The following MKX variants were observed in gnomAD, a reference collection of about 807,000 sequenced individuals.
MKX encodes the protein homeobox protein Mohawk.
Under a neutral mutation model 36.0 loss-of-function variants are expected in MKX, and 13 were observed. The ratio of observed to expected loss-of-function variants is 0.36; its 90% CI spans 0.24 to 0.57. The LOEUF (loss-of-function observed/expected upper bound fraction) is 0.57, where lower values mean the gene tolerates loss of function less well. Among genes scored for constraint, MKX ranks in the 20% least tolerant of loss-of-function variants. The pLI is 0.79. For missense variants in MKX, 458 were observed against 456.4 expected (o/e 1.00, Z -0.03); for synonymous variants, 176 against 178.3 (o/e 0.99, Z 0.10).
intron 5 of MKX, among the ~76,000 whole-genome samples, chr10:27,720,618 T>C (rs1834355779): frequency 6.6e-6 from 1 of 152,166 alleles, no homozygotes; most frequent in Non-Finnish European, 1.5e-5. Flanking sequence ...GATATCTTAT[T>C]AAATAATCTA....
intron 5 of MKX, among the ~76,000 whole-genome samples, chr10:27,687,272 G>A (rs1836374447): frequency 6.6e-6 from 1 of 152,180 alleles, no homozygotes; most frequent in Admixed American, 6.5e-5. Flanking sequence ...CCAAAATGCT[G>A]GGATTACAGG....
chr10:27,697,650 T>C (rs904918627), intron 5 of MKX, among the ~76,000 whole-genome samples: 6 of 152,248 alleles, frequency 3.9e-5, no homozygotes, highest in Non-Finnish European at 7.3e-5. Flanking sequence ...TTTGTTTACT[T>C]ATTCACAGGT....
chr10:27,694,987 C>T (rs1836528305), intron 5 of MKX, among the ~76,000 whole-genome samples: 1 of 151,536 alleles, frequency 6.6e-6, no homozygotes, highest in Non-Finnish European at 1.5e-5. Flanking sequence ...TTTTCCACCA[C>T]TCAGAAGGTG....
At chr10:27,693,709 G>T (rs1836495045) in intron 5 of MKX, among the ~76,000 whole-genome samples, 1 of 152,168 alleles carries the variant, frequency 6.6e-6, no homozygotes, top group Admixed American at 6.5e-5. Flanking sequence ...GTCACTAAAA[G>T]TTACTGATTT....
chr10:27,684,823 T>C (rs1170423766), intron 5 of MKX, among the ~76,000 whole-genome samples: 1 of 152,254 alleles, frequency 6.6e-6, no homozygotes, highest in Admixed American at 6.5e-5. Flanking sequence ...GGGTTTGAGA[T>C]GAAACGATTC....
chr10:27,742,912 C>A lies in MKX; in HGVS notation c.188+316G>T, dbSNP rs925603963. 6.6e-6 allele frequency among the ~76,000 whole-genome samples: 1 copy of A among 152,228 alleles called. No individual in the cohort carries two copies. Among genetic ancestry groups the A allele is most frequent in the African/African-American group, 2.4e-5 (1 of 41,466 alleles). On this transcript the variant is annotated intron_variant, in intron 2 of 6. Coordinates refer to ENST00000419761, the MANE Select transcript of MKX (RefSeq NM_173576.3). This position sits in a 1 kb window ranked among gnomAD's most constrained non-coding sequence, Gnocchi z 4.2. ...TTCCTCGCCCTCAGCCGCGCACCGG[C>A]ACCCACAGTCCGGAGAGGGGCAAAT...
At chr10:27,720,913 C>G (rs1834363241) in intron 5 of MKX, among the ~76,000 whole-genome samples, 3 of 152,118 alleles carry the variant, frequency 2.0e-5, no homozygotes, top group Non-Finnish European at 4.4e-5. Context: ...CAAAATGCAA[C>G]AGCTTTCCCG....
In MKX at chr10:27,672,996, T is replaced by C. The variant is rs530729160; in HGVS notation, c.*2233A>G. 2.0e-5 allele frequency: 3 copies of C among 152,324 alleles called. No individual in the cohort carries two copies. The highest frequency in any genetic ancestry group is 1.9e-4 in the East Asian group (1 of 5,190). 9.4% of individuals were successfully genotyped at this position (152,324 alleles called of 1,614,324 possible). A position where few individuals can be genotyped will look rare whatever the true frequency, so the allele number is the denominator to read the frequency against. On this transcript the variant is annotated 3_prime_UTR_variant, in exon 7 of 7. Transcript: ENST00000419761. Reference sequence around the variant, plus strand: ...GAGGTAATTCTATTTCTCTACAACATAAATTATGAGTTAGATTTTCAGCTG... The same window carrying C: ...GAGGTAATTCTATTTCTCTACAACACAAATTATGAGTTAGATTTTCAGCTG...
At chr10:27,678,382 T>C (rs915456077) in intron 5 of MKX, among the ~76,000 whole-genome samples, 1 of 152,258 alleles carries the variant, frequency 6.6e-6, no homozygotes, top group Non-Finnish European at 1.5e-5. Flanking sequence ...TATGGAGATA[T>C]TTATTCAATG....
At chr10:27,725,862 G>A (rs12257693) in intron 5 of MKX, among the ~76,000 whole-genome samples, 7,346 of 152,142 alleles carry the variant, frequency 0.048, 578 homozygotes, top group African/African-American at 0.16. Context: ...TAGAATTAAT[G>A]GGAGTTACGT....
chr10:27,715,307 C>T (rs545749858), intron 5 of MKX, among the ~76,000 whole-genome samples: 1 of 152,184 alleles, frequency 6.6e-6, no homozygotes, highest in Non-Finnish European at 1.5e-5. Flanking sequence ...ATGCCACCGG[C>T]CTGTGCTACA....
At chr10:27,725,012 C>T (rs1233828993) in intron 5 of MKX, among the ~76,000 whole-genome samples, 2 of 152,130 alleles carry the variant, frequency 1.3e-5, no homozygotes, top group Non-Finnish European at 1.5e-5. Context: ...AAAAGTTCAA[C>T]ACTAATGATT....
rs1013345862 is a variant in MKX at position 27,741,742 on chromosome 10, C to A, written c.189-238G>T. Among the ~76,000 whole-genome samples, 3 of 152,190 alleles carry A rather than the reference C, an allele frequency of 2.0e-5. No individual in the cohort carries two copies. The highest frequency in any genetic ancestry group is 7.2e-5 in the African/African-American group (3 of 41,448). On this transcript the variant is annotated intron_variant, in intron 2 of 6. Transcript: ENST00000419761. The surrounding 1 kb of genome is among the most constrained non-coding windows in gnomAD (Gnocchi z 5.1). Reference sequence around the variant, plus strand: ...TAGGGGGATACCTTGAACCCAATACCCCAAGGTTAGAGGTTTAGAAGACGA... The same window carrying A: ...TAGGGGGATACCTTGAACCCAATACACCAAGGTTAGAGGTTTAGAAGACGA...
intron 5 of MKX, among the ~76,000 whole-genome samples, chr10:27,715,300 C>T (rs1337545056): frequency 2.0e-5 from 3 of 152,186 alleles, no homozygotes; most frequent in South Asian, 2.1e-4. Context: ...GACCAAAATG[C>T]CACCGGCCTG....
intron 5 of MKX, among the ~76,000 whole-genome samples, chr10:27,710,655 T>A (rs75532979): frequency 0.016 from 2,480 of 151,912 alleles, 65 homozygotes; most frequent in African/African-American, 0.056. Context: ...TTTAATTTTT[T>A]ATTTTTATTT....
At chr10:27,733,232 T>C (rs543213015) in intron 5 of MKX, among the ~76,000 whole-genome samples, 1 of 152,342 alleles carries the variant, frequency 6.6e-6, no homozygotes, top group South Asian at 2.1e-4. Context: ...TTTCTCTGAA[T>C]CTTTGTAGAT....
intron 5 of MKX, among the ~76,000 whole-genome samples, chr10:27,686,711 A>T (rs55668533): frequency 0.023 from 3,429 of 152,218 alleles, 46 homozygotes; most frequent in African/African-American, 0.046. Flanking sequence ...TCTCAACCTC[A>T]GGTGATCCGC....
At chr10:27,682,986 A>G (rs1030869347) in intron 5 of MKX, among the ~76,000 whole-genome samples, 3 of 149,454 alleles carry the variant, frequency 2.0e-5, no homozygotes, top group Admixed American at 2.0e-4. Context: ...TCGGTCTCGA[A>G]AAAAAAAAAA....
rs1252054221 is a variant in MKX at position 27,737,985 on chromosome 10, CAG to C, written c.349-2613_349-2612del. On this transcript the variant is annotated intron_variant, in intron 3 of 6. Coordinates refer to ENST00000419761, the MANE Select transcript of MKX (RefSeq NM_173576.3). ...GAACATTTAAATGATTTAAATGTCA[CAG>C]GGGATTAACTAACTTTTCATGTATA... Among the ~76,000 whole-genome samples the C allele has an allele frequency of 3.3e-5, 5 of 151,940 alleles. No homozygotes were observed. The South Asian group carries it at 1.0e-3, about 31-fold the overall frequency.
Sources: gnomAD v4.1 joint callset for allele counts (sites outside exome capture counted in the v4.1 genomes callset) on GRCh38, gnomAD v4.1.1 for gene constraint, Gnocchi (gnomAD v3.1) non-coding constraint, MANE v1.5 for transcripts, NCBI Gene and HGNC (gene_info 2026-07-23, HGNC 2026-07-21) for gene names.